The following MEF2C variants were observed in gnomAD, a reference collection of about 807,000 sequenced individuals.
MEF2C encodes myocyte enhancer factor 2C.
Under a neutral mutation model 50.5 loss-of-function variants are expected in MEF2C, and 6 were observed. The observed-to-expected ratio is 0.12, with a 90% CI of 0.07 to 0.23. The LOEUF is 0.23. MEF2C is among the 10% of genes least tolerant of loss of function. The pLI, the probability that MEF2C is intolerant of heterozygous loss-of-function variation, is 1.00. For missense variants in MEF2C, 276 were observed against 605.0 expected (o/e 0.46, Z 5.70); for synonymous variants, 183 against 228.0 (o/e 0.80, Z 1.78).
chr5:88,810,700 T>A lies in MEF2C; in HGVS notation c.55-5899A>T, dbSNP rs1470920714. On this transcript the variant is annotated intron_variant, in intron 2 of 10. Transcript: ENST00000504921. ...ATGAGGCCGACTTAATTGATCAATG[T>A]TAAGTTTATCAAAAAGTCTCTAGTA... Among the ~76,000 whole-genome samples, 6 of 152,118 alleles carry A rather than the reference T, an allele frequency of 3.9e-5. No individual in the cohort carries two copies. The East Asian group carries it at 9.6e-4, about 24-fold the overall frequency.
intron 4 of MEF2C, among the ~76,000 whole-genome samples, chr5:88,754,977 C>T (rs1164081859): frequency 6.6e-6 from 1 of 152,134 alleles, no homozygotes; most frequent in East Asian, 1.9e-4. Context: ...AAAATCTGGC[C>T]TTCTCTTGGA....
intron 1 of MEF2C, among the ~76,000 whole-genome samples, chr5:88,901,928 A>G (rs1281322218): frequency 6.6e-6 from 1 of 151,968 alleles, no homozygotes; most frequent in Non-Finnish European, 1.5e-5. Flanking sequence ...CTTCATTTAT[A>G]CTTAAATAAT....
intron 3 of MEF2C, chr5:88,772,760 A>G (rs753803257): frequency 5.0e-5 from 49 of 985,334 alleles, no homozygotes; most frequent in Non-Finnish European, 5.8e-5. Context: ...AGGAGTGGCT[A>G]TAAGTCATTC....
intron 1 of MEF2C, among the ~76,000 whole-genome samples, chr5:88,899,862 T>C (rs1444063707): frequency 1.3e-5 from 2 of 152,210 alleles, no homozygotes; most frequent in Admixed American, 1.3e-4. Flanking sequence ...AATTTAGATA[T>C]ACAATTTAGT....
At chr5:88,815,811 TAC>T (rs1298868277) in intron 2 of MEF2C, among the ~76,000 whole-genome samples, 2 of 151,986 alleles carry the variant, frequency 1.3e-5, no homozygotes, top group Non-Finnish European at 2.9e-5. Context: ...TCTTTTAATC[TAC>T]AGTTTGGAAG....
At chr5:88,832,744 T>C (rs1813562375) in intron 1 of MEF2C, among the ~76,000 whole-genome samples, 1 of 152,190 alleles carries the variant, frequency 6.6e-6, no homozygotes, top group African/African-American at 2.4e-5. Context: ...AATCCCACTA[T>C]GACTGGTGTC....
intron 1 of MEF2C, among the ~76,000 whole-genome samples, chr5:88,854,013 G>T (rs1032448229): frequency 6.6e-6 from 1 of 152,090 alleles, no homozygotes; most frequent in African/African-American, 2.4e-5. Context: ...CAAAATCTGA[G>T]GAAGAACTGT....
chr5:88,772,676 C>T (rs760204677), intron 3 of MEF2C: 73 of 943,048 alleles, frequency 7.7e-5, no homozygotes, highest in Non-Finnish European at 9.2e-5. Context: ...CAACTTCTTC[C>T]CACATAATAC....
At chr5:88,870,124 T>C (rs1368313004) in intron 1 of MEF2C, among the ~76,000 whole-genome samples, 2 of 152,056 alleles carry the variant, frequency 1.3e-5, no homozygotes, top group Admixed American at 6.6e-5. Context: ...GGAAATTTAA[T>C]AATTTTATCT....
intron 6 of MEF2C, among the ~76,000 whole-genome samples, chr5:88,747,332 A>T (rs1378606991): frequency 2.9e-3 from 58 of 20,182 alleles, no homozygotes; most frequent in Middle Eastern, 0.033. Flanking sequence ...TTTTTTTACT[A>T]CTTTTTTTTT....
At chr5:88,892,695 T>C (rs1045934183) in intron 1 of MEF2C, among the ~76,000 whole-genome samples, 1 of 152,218 alleles carries the variant, frequency 6.6e-6, no homozygotes, top group Non-Finnish European at 1.5e-5. Context: ...TGCTTTATTA[T>C]ACTTGTTAGC....
chr5:88,822,705 A>C (rs1055624968), intron 2 of MEF2C, among the ~76,000 whole-genome samples: 3 of 152,028 alleles, frequency 2.0e-5, no homozygotes, highest in Admixed American at 6.6e-5. Flanking sequence ...ACAAAACAGG[A>C]CAATAGAGGA....
chr5:88,881,526 G>A (rs1328697410), intron 1 of MEF2C, among the ~76,000 whole-genome samples: 1 of 152,122 alleles, frequency 6.6e-6, no homozygotes, highest in East Asian at 1.9e-4. Context: ...TAAATAAGAT[G>A]TTTTAGTTTC....
chr5:88,762,940 A>G (rs1297913296), intron 3 of MEF2C, among the ~76,000 whole-genome samples: 1 of 152,210 alleles, frequency 6.6e-6, no homozygotes, highest in African/African-American at 2.4e-5. Flanking sequence ...TGAGTTAAAA[A>G]GGGGGGTGTC....
chr5:88,866,032 G>A (rs181699351), intron 1 of MEF2C, among the ~76,000 whole-genome samples: 1 of 151,866 alleles, frequency 6.6e-6, no homozygotes, highest in Admixed American at 6.6e-5. Flanking sequence ...AGTAGCTGGG[G>A]CTACAGGCGC....
At chr5:88,779,901 T>A (rs1786983813) in intron 3 of MEF2C, among the ~76,000 whole-genome samples, 1 of 151,888 alleles carries the variant, frequency 6.6e-6, no homozygotes, top group South Asian at 2.1e-4. Flanking sequence ...TCCCAGCACT[T>A]TGGGAGGCCA....
At chr5:88,833,658 G>C (rs1321903800) in intron 1 of MEF2C, among the ~76,000 whole-genome samples, 1 of 152,066 alleles carries the variant, frequency 6.6e-6, no homozygotes, top group Non-Finnish European at 1.5e-5. Context: ...TTAGAAAAAG[G>C]CTTCATAAAG....
At chr5:88,793,117 A>C (rs1184125028) in intron 3 of MEF2C, among the ~76,000 whole-genome samples, 3 of 152,162 alleles carry the variant, frequency 2.0e-5, no homozygotes, top group Non-Finnish European at 1.5e-5. Context: ...CTGATGGGAA[A>C]GATAGAACAC....
At chr5:88,849,083 A>G (rs576448489) in intron 1 of MEF2C, among the ~76,000 whole-genome samples, 116 of 149,950 alleles carry the variant, frequency 7.7e-4, no homozygotes, top group African/African-American at 2.5e-3. Flanking sequence ...CCCGGGAGGC[A>G]GAGGTTGCAG....
Sources: gnomAD v4.1 joint callset for allele counts (sites outside exome capture counted in the v4.1 genomes callset) on GRCh38, gnomAD v4.1.1 for gene constraint, MANE v1.5 for transcripts, NCBI Gene and HGNC (gene_info 2026-07-23, HGNC 2026-07-21) for gene names.